DNMBP: variants seen among roughly 807,000 people sequenced by gnomAD.
DNMBP encodes the protein dynamin-binding protein.
In DNMBP, 87 loss-of-function variants were observed where a neutral mutation model predicts 150.0. The observed-to-expected ratio is 0.58, with a 90% CI of 0.49 to 0.69. DNMBP has a LOEUF of 0.69. Among genes scored for constraint, DNMBP ranks in the 30% least tolerant of loss-of-function variants. DNMBP has a pLI of 0.00. For missense variants in DNMBP, 1,774 were observed against 1,949.0 expected, an observed-to-expected ratio of 0.91 and a Z score of 1.69; for synonymous variants, 711 against 750.4, an observed-to-expected ratio of 0.95 and a Z score of 0.86.
Position 99,940,532 on chromosome 10 carries a change from T to C in DNMBP, c.2260+14682A>G, listed in dbSNP as rs138554050. 1.3e-3 allele frequency among the ~76,000 whole-genome samples: 201 copies of C among 152,256 alleles called. 4 individuals are homozygous for C. The East Asian group carries it at 0.028, about 21-fold the overall frequency. On this transcript the variant is annotated intron_variant, in intron 4 of 16. Coordinates refer to ENST00000324109, the MANE Select transcript of DNMBP (RefSeq NM_015221.4). ...TAATAGCAGTGAGGCCTCCTCTCCC[T>C]GCTTCTTCAATGTGCCCATTCTAGT...
At chr10:99,968,032 G>T (rs1001983914) in intron 3 of DNMBP, among the ~76,000 whole-genome samples, 1 of 152,112 alleles carries the variant, frequency 6.6e-6, no homozygotes, top group Non-Finnish European at 1.5e-5. Flanking sequence ...ATTTATTTGA[G>T]ACAGGGTCTC....
At chr10:99,925,282 TCCTGC>T (rs1255993357) in intron 4 of DNMBP, among the ~76,000 whole-genome samples, 1 of 152,236 alleles carries the variant, frequency 6.6e-6, no homozygotes, top group Non-Finnish European at 1.5e-5. Flanking sequence ...CAGATTCTAT[TCCTGC>T]CCTAATCCTT....
intron 1 of DNMBP, among the ~76,000 whole-genome samples, chr10:99,989,612 G>C (rs2040865177): frequency 6.6e-6 from 1 of 152,236 alleles, no homozygotes; most frequent in Admixed American, 6.5e-5. Flanking sequence ...TTGGGACACT[G>C]AGACAGGAGA....
rs1213258885 is a variant in DNMBP, at chr10:99,896,334, T to TGGA, written c.2981_2983dup (p.Ile994_His995insLeu). On this transcript the variant is annotated inframe_insertion, in exon 10 of 17. Coordinates refer to ENST00000324109, the MANE Select transcript of DNMBP (RefSeq NM_015221.4). ...TCGGTTGGATTTCTTGATGATGGAG[T>TGGA]GGATGTTCAGTTTGGAAATTTTCTC... The TGGA allele has an allele frequency of 1.9e-6, 3 of 1,613,822 alleles. No individual in the cohort carries two copies. The Admixed American group carries it at 5.0e-5, about 27-fold the overall frequency.
intron 1 of DNMBP, among the ~76,000 whole-genome samples, chr10:99,972,856 C>T (rs1258824991): frequency 6.6e-6 from 1 of 152,212 alleles, no homozygotes; most frequent in Non-Finnish European, 1.5e-5. Flanking sequence ...CTCACTGCCA[C>T]CTCTGCCTCC....
At chr10:99,974,840 C>T (rs1212917727) in intron 1 of DNMBP, among the ~76,000 whole-genome samples, 2 of 152,176 alleles carry the variant, frequency 1.3e-5, no homozygotes, top group African/African-American at 4.8e-5. Context: ...AGTGGCTCAC[C>T]GTAGCCTCGA....
chr10:99,998,049 C>T (rs187527873), intron 1 of DNMBP, among the ~76,000 whole-genome samples: 135 of 147,640 alleles, frequency 9.1e-4, no homozygotes, highest in Non-Finnish European at 1.6e-3. Flanking sequence ...TCCTGGCTAA[C>T]ACAGTGAAAC....
At chr10:99,915,108 A>AATATATATATATATAT (rs1554863107) in intron 4 of DNMBP, among the ~76,000 whole-genome samples, 1 of 99,800 alleles carries the variant, frequency 1.0e-5, no homozygotes, top group Admixed American at 1.3e-4. Context: ...AAAAAAAAAA[A>AATATATATATATATAT]ATATATATAT....
At chr10:99,888,212 TTG>T (rs779436795) in intron 12 of DNMBP, among the ~76,000 whole-genome samples, 12 of 87,296 alleles carry the variant, frequency 1.4e-4, no homozygotes, top group Admixed American at 3.4e-4. Flanking sequence ...TTTTGTTTGT[TTG>T]TTTGTTTTTG....
At position 99,955,976 on chromosome 10, in the gene DNMBP, G is replaced by A. The variant is rs377653797; in HGVS notation, c.1498C>T (p.His500Tyr). The A allele has an allele frequency of 4.3e-5, 69 of 1,614,072 alleles. No homozygotes were observed. The highest frequency in any genetic ancestry group is 1.2e-4 in the African/African-American group (9 of 74,924). ...TTTTTAGTATAACTTGCTAGGTTGT[G>A]GAGCTGAGGACTTGATTGTCTGGGT... ...VKPRQSSPQL[H>Y]NLASYTKKHH... Residue 500 changes from histidine to tyrosine, a missense_variant, in exon 4 of 17, where the codon CAC becomes TAC. His to Tyr is a moderately conservative substitution (Grantham distance 83, BLOSUM62 2). Coordinates refer to ENST00000324109, the MANE Select transcript of DNMBP (RefSeq NM_015221.4).
In DNMBP at chr10:99,962,090, C is replaced by T. The variant is rs931790251; in HGVS notation, c.269-4885G>A. Among the ~76,000 whole-genome samples the T allele has an allele frequency of 3.4e-3, 516 of 152,088 alleles. 5 individuals carry two copies. Among genetic ancestry groups the T allele is most frequent in the Non-Finnish European group, 4.0e-3 (271 of 67,990 alleles). Reference sequence around the variant, plus strand: ...TTCTCTAAAAAACCTTAGAAGCTCACATTCATCTTGGCTGTCTATAGCCTA... The same window carrying T: ...TTCTCTAAAAAACCTTAGAAGCTCATATTCATCTTGGCTGTCTATAGCCTA... On this transcript the variant is annotated intron_variant, in intron 3 of 16. Coordinates refer to ENST00000324109, the MANE Select transcript of DNMBP (RefSeq NM_015221.4).
chr10:99,894,969 A>C lies in DNMBP; in HGVS notation c.3133T>G (p.Ser1045Ala), dbSNP rs773806966. 6.2e-7 allele frequency: 1 copy of C among 1,613,994 alleles called. No individual in the cohort carries two copies. Among genetic ancestry groups the C allele is most frequent in the Non-Finnish European group, 8.5e-7 (1 of 1,179,906 alleles). ...RLIKSFIRDLSLYLQHIRESA... is the reference protein window; with the variant it reads ...RLIKSFIRDLALYLQHIRESA... ...ACCCGGATGTGCTGGAGGTAGAGAG[A>C]CAGGTCTCGGATAAAAGACTTAATC... Residue 1045 changes from serine (S) to alanine (A), a missense_variant, in exon 11 of 17, where the codon TCT becomes GCT. Around this residue, in one of 2 missense-constraint regions of DNMBP, gnomAD observed 1,430 missense variants for 1,492.5 expected, o/e 0.96. Coordinates refer to ENST00000324109, the MANE Select transcript of DNMBP (RefSeq NM_015221.4).
rs1227529415 is a variant in DNMBP at position 99,877,324 on chromosome 10, C to A, written c.4561G>T (p.Val1521Phe). ...EAEGNQVYFA[V>F]YTFKARNPNE... is the part of the protein sequence containing the mutation. ...GGGTTTCGTGCCTTGAAGGTGTAGA[C>A]AGCAAAATAGACCTGTGTGAGGGAG... Residue 1521 changes from valine to phenylalanine, a missense_variant, in exon 17 of 17, where the codon GTC (valine) becomes TTC (phenylalanine). Transcript: ENST00000324109. 1.2e-6 allele frequency: 2 copies of A among 1,611,860 alleles called. No individual in the cohort carries two copies. The highest frequency in any genetic ancestry group is 1.7e-6 in the Non-Finnish European group (2 of 1,179,142).
intron 4 of DNMBP, among the ~76,000 whole-genome samples, chr10:99,943,225 C>T (rs989808986): frequency 5.9e-5 from 9 of 151,444 alleles, no homozygotes; most frequent in African/African-American, 2.2e-4. Context: ...GCAGAGGTTA[C>T]AGTTAGCCGA....
chr10:99,905,548 C>T (rs1252786710), intron 6 of DNMBP, among the ~76,000 whole-genome samples: 1 of 152,102 alleles, frequency 6.6e-6, no homozygotes, highest in African/African-American at 2.4e-5. Context: ...CAGAGCAAGA[C>T]CTCATCTCTA....
At chr10:99,964,136 T>C (rs904125932) in intron 3 of DNMBP, among the ~76,000 whole-genome samples, 41 of 93,230 alleles carry the variant, frequency 4.4e-4, no homozygotes, top group African/African-American at 2.1e-3. Flanking sequence ...ATTCTCTCTC[T>C]TTTTTTTTTT....
At chr10:99,920,242 A>G (rs2040007684) in intron 4 of DNMBP, among the ~76,000 whole-genome samples, 1 of 151,648 alleles carries the variant, frequency 6.6e-6, no homozygotes, top group African/African-American at 2.4e-5. Flanking sequence ...CGCCTGGCTA[A>G]TTTTGTATTT....
chr10:99,883,668 A>AAAAAAAAAAAG (rs2039405371), intron 15 of DNMBP, among the ~76,000 whole-genome samples: 3 of 145,680 alleles, frequency 2.1e-5, no homozygotes, highest in African/African-American at 7.7e-5. Context: ...AAAAAAAAAA[A>AAAAAAAAAAAG]TTTGAAAAGA....
At position 99,986,516 on chromosome 10, in the gene DNMBP, C is replaced by T. The variant is rs545144146; in HGVS notation, c.-10-14382G>A. Among the ~76,000 whole-genome samples the T allele has an allele frequency of 4.5e-4, 66 of 146,124 alleles. 2 individuals carry two copies. Among genetic ancestry groups the T allele is most frequent in the African/African-American group, 1.7e-3 (65 of 38,906 alleles). On this transcript the variant is annotated intron_variant, in intron 1 of 16. Coordinates refer to ENST00000324109, the MANE Select transcript of DNMBP (RefSeq NM_015221.4). The stretch of plus-strand genomic sequence containing the variant: ...AAGAGAAAAGAAAAAGTACAAAGCC[C>T]CAGATATAAAACTGCAAGGCGTGAG...
Sources: gnomAD v4.1 joint callset for allele counts (sites outside exome capture counted in the v4.1 genomes callset) on GRCh38, gnomAD v4.1.1 for gene constraint, gnomAD v4.1.1 regional missense constraint, MANE v1.5 for transcripts, NCBI Gene and HGNC (gene_info 2026-07-23, HGNC 2026-07-21) for gene names.